CTNNA3: variants seen among roughly 807,000 people sequenced by gnomAD.
The protein encoded by CTNNA3 is catenin alpha-3.
A neutral mutation model predicts 95.7 loss-of-function variants in CTNNA3; 76 were observed. The observed-to-expected ratio is 0.79, with a 90% CI of 0.66 to 0.96. CTNNA3 has a LOEUF of 0.96. Among genes scored for constraint, CTNNA3 ranks in the 40% least tolerant of loss-of-function variants. The pLI is 0.00. For synonymous variants in CTNNA3, 431 were observed against 374.4 expected, an observed-to-expected ratio of 1.15 and a Z score of -1.74; for missense variants, 1,191 against 1,089.8, an observed-to-expected ratio of 1.09 and a Z score of -1.31.
intron 5 of CTNNA3, among the ~76,000 whole-genome samples, chr10:67,356,332 C>G (rs914925427): frequency 6.6e-6 from 1 of 152,044 alleles, no homozygotes; most frequent in African/African-American, 2.4e-5. Flanking sequence ...AAAACTGTGT[C>G]CCTTCTACCT....
chr10:67,698,257 A>G (rs200739881), upstream of CTNNA3, among the ~76,000 whole-genome samples: 1 of 139,626 alleles, frequency 7.2e-6, no homozygotes, highest in South Asian at 2.3e-4. Flanking sequence ...AAAAGAGAGA[A>G]AAAAGAGAGA....
intron 12 of CTNNA3, among the ~76,000 whole-genome samples, chr10:66,300,162 G>C (rs1048321086): frequency 6.6e-6 from 1 of 152,166 alleles, no homozygotes; most frequent in East Asian, 1.9e-4. Context: ...TAAGAGATGG[G>C]ATTACAGGTG....
chr10:66,018,665 G>A (rs1480955517), intron 15 of CTNNA3, among the ~76,000 whole-genome samples: 2 of 151,986 alleles, frequency 1.3e-5, no homozygotes, highest in African/African-American at 4.8e-5. Flanking sequence ...ATAATCAATT[G>A]TTTCTCAAAC....
chr10:66,474,214 G>C (rs1218131184), intron 11 of CTNNA3, among the ~76,000 whole-genome samples: 3 of 151,880 alleles, frequency 2.0e-5, no homozygotes, highest in Non-Finnish European at 4.4e-5. Flanking sequence ...TCTCTTTATT[G>C]ATTCCTTCCC....
At chr10:66,913,266 G>GAAAAA (rs1204338164) in intron 7 of CTNNA3, among the ~76,000 whole-genome samples, 6 of 74,580 alleles carry the variant, frequency 8.0e-5, no homozygotes, top group African/African-American at 2.3e-4. Flanking sequence ...AAAAAAAAAA[G>GAAAAA]AAAAAGAAAA....
intron 5 of CTNNA3, among the ~76,000 whole-genome samples, chr10:67,258,440 G>A (rs138733389): frequency 1.5e-3 from 224 of 152,120 alleles, no homozygotes; most frequent in Admixed American, 0.011. Flanking sequence ...CACAGTGCCC[G>A]GCCACAATGA....
intron 5 of CTNNA3, among the ~76,000 whole-genome samples, chr10:67,326,865 T>C (rs1418118035): frequency 2.0e-5 from 3 of 152,298 alleles, no homozygotes; most frequent in African/African-American, 7.2e-5. Flanking sequence ...CAAAAATGAG[T>C]CACAGATTTG....
intron 11 of CTNNA3, among the ~76,000 whole-genome samples, chr10:66,401,660 T>TTC (rs2093022828): frequency 1.5e-5 from 2 of 135,244 alleles, no homozygotes; most frequent in African/African-American, 6.2e-5. Context: ...ATTTCTTTCT[T>TTC]TTTTTTTTTT....
intron 15 of CTNNA3, among the ~76,000 whole-genome samples, chr10:66,028,937 A>C (rs891318305): frequency 4.7e-4 from 71 of 152,120 alleles, no homozygotes; most frequent in Non-Finnish European, 9.4e-4. Context: ...ACAACAAAAA[A>C]TGAAACTAAA....
At chr10:67,419,988 A>C (rs1253965844) in intron 5 of CTNNA3, among the ~76,000 whole-genome samples, 1 of 152,152 alleles carries the variant, frequency 6.6e-6, no homozygotes, top group Non-Finnish European at 1.5e-5. Flanking sequence ...AGTAGCTGGG[A>C]CTATAGGTGC....
At chr10:66,311,346 G>A (rs1324457920) in intron 12 of CTNNA3, among the ~76,000 whole-genome samples, 1 of 152,186 alleles carries the variant, frequency 6.6e-6, no homozygotes, top group Admixed American at 6.5e-5. Context: ...AGCATAAAGA[G>A]AGTTAGAGAG....
chr10:67,387,510 A>C (rs61866919), intron 5 of CTNNA3, among the ~76,000 whole-genome samples: 9 of 152,232 alleles, frequency 5.9e-5, no homozygotes, highest in Admixed American at 2.6e-4. Flanking sequence ...CCCAGGCTTG[A>C]TTAGGTAAAC....
intron 1 of CTNNA3, among the ~76,000 whole-genome samples, chr10:67,708,926 C>G (rs1841092211): frequency 6.6e-6 from 1 of 151,674 alleles, no homozygotes; most frequent in Admixed American, 6.6e-5. Context: ...TTTATAGTTA[C>G]TAACTACAAA....
rs1373997736 is a variant in CTNNA3, at chr10:67,726,476, A to G, written c.-2+36958T>C. Among the ~76,000 whole-genome samples the G allele has an allele frequency of 2.5e-3, 166 of 67,422 alleles. 3 individuals are homozygous for G. The highest frequency in any genetic ancestry group is 0.01 in the African/African-American group (161 of 15,368). 44.2% of individuals were successfully genotyped at this position (67,422 alleles called of 152,430 possible). On this transcript the variant is annotated intron_variant, in intron 1 of 17. Transcript: ENST00000684154. ...TATATATGATATATGATATAATATT[A>G]TATATTATATCATATACAATATATA...
chr10:66,542,918 A>T (rs959299490), intron 10 of CTNNA3, among the ~76,000 whole-genome samples: 3 of 152,050 alleles, frequency 2.0e-5, no homozygotes, highest in African/African-American at 7.2e-5. Flanking sequence ...AATAAAATAA[A>T]ACTTGAAATT....
At chr10:66,651,545 G>A (rs538681585) in intron 9 of CTNNA3, among the ~76,000 whole-genome samples, 17 of 152,138 alleles carry the variant, frequency 1.1e-4, no homozygotes, top group Admixed American at 4.6e-4. Context: ...CGGGCCTTGC[G>A]TGGGGAGGGG....
At chr10:67,236,600 A>C (rs1318165312) in intron 5 of CTNNA3, among the ~76,000 whole-genome samples, 1 of 152,048 alleles carries the variant, frequency 6.6e-6, no homozygotes. Flanking sequence ...AACATGGCAC[A>C]TGTATACATA....
chr10:66,322,327 G>A (rs1038843239), intron 12 of CTNNA3, among the ~76,000 whole-genome samples: 1 of 152,110 alleles, frequency 6.6e-6, no homozygotes, highest in African/African-American at 2.4e-5. Flanking sequence ...TGTTTGCAAT[G>A]AGGAGTGGAA....
intron 7 of CTNNA3, among the ~76,000 whole-genome samples, chr10:66,907,736 A>G (rs907884873): frequency 2.6e-5 from 4 of 152,218 alleles, no homozygotes; most frequent in African/African-American, 9.6e-5. Context: ...CTACCCCAAC[A>G]GATATCAAAA....
Sources: gnomAD v4.1 joint callset for allele counts (sites outside exome capture counted in the v4.1 genomes callset) on GRCh38, gnomAD v4.1.1 for gene constraint, MANE v1.5 for transcripts, NCBI Gene and HGNC (gene_info 2026-07-23, HGNC 2026-07-21) for gene names.